The following MALL variants were observed in gnomAD, a reference collection of about 807,000 sequenced individuals.
MALL encodes MAL-like protein.
Under a neutral mutation model 10.3 loss-of-function variants are expected in MALL, and 2 were observed. That is an observed-to-expected ratio of 0.19 (90% confidence interval 0.08 to 0.61). The LOEUF (loss-of-function observed/expected upper bound fraction) is 0.61, where lower values mean the gene tolerates loss of function less well. MALL is among the 20% of genes least tolerant of loss of function. The pLI, the probability that MALL is intolerant of heterozygous loss-of-function variation, is 0.88. For missense variants in MALL, 39 were observed against 115.2 expected (o/e 0.34, Z 3.03); for synonymous variants, 27 against 51.8 (o/e 0.52, Z 2.05).
intron 1 of MALL, among the ~76,000 whole-genome samples, chr2:110,106,267 GGCTTATAAAATTCA>G (rs1211881212): frequency 1.3e-5 from 2 of 151,972 alleles, no homozygotes; most frequent in African/African-American, 4.8e-5. Context: ...TCCACCCTTC[GGCTTATAAAATTCA>G]GCTTATAAAA....
At chr2:110,115,539 C>G (rs1678894179) in intron 1 of MALL, 149 bp downstream of exon 1, 1 of 434,458 alleles carries the variant, frequency 2.3e-6, no homozygotes, top group Non-Finnish European at 3.9e-6. Flanking sequence ...CCGGTCTCCC[C>G]CCCCCTCTCT....
At chr2:110,109,104 A>G (rs1488196099) in intron 1 of MALL, among the ~76,000 whole-genome samples, 1 of 152,198 alleles carries the variant, frequency 6.6e-6, no homozygotes, top group Non-Finnish European at 1.5e-5. Flanking sequence ...AGCATAAATC[A>G]CAAAGGACCT....
chr2:110,103,246 T>C (rs888931307), intron 1 of MALL, among the ~76,000 whole-genome samples: 1 of 151,934 alleles, frequency 6.6e-6, no homozygotes, highest in African/African-American at 2.4e-5. Context: ...CCCTGTCCAA[T>C]GGAGTGGGGC....
Position 110,115,808 on chromosome 2 carries a change from C to T in MALL, c.-16G>A, listed in dbSNP as rs1678906808. 5 of 1,219,830 alleles carry T rather than the reference C, an allele frequency of 4.1e-6. No individual in the cohort carries two copies. The highest frequency in any genetic ancestry group is 3.2e-5 in the East Asian group (1 of 31,668). The allele number at this position is 1,219,830 out of a possible 1,614,324, so 75.6% of individuals were successfully genotyped here. On this transcript the variant is annotated 5_prime_UTR_variant, in exon 1 of 4. Transcript: ENST00000272462. ...GCGAGGCCATGCTGTCAGCCCCTGC[C>T]GGGTGCTCCGCGGCAGCTCGCCCGC...
At chr2:110,101,499 AC>A (rs1678563742) in intron 1 of MALL, among the ~76,000 whole-genome samples, 1 of 152,184 alleles carries the variant, frequency 6.6e-6, no homozygotes, top group African/African-American at 2.4e-5. Flanking sequence ...TCCATCCAGC[AC>A]TGGTGGGAAC....
chr2:110,095,698 G>GA lies in MALL; in HGVS notation c.106-3929dup, dbSNP rs112614892. On this transcript the variant is annotated intron_variant, in intron 1 of 3. Transcript: ENST00000272462. ...CTAATCGCGTCATCATTTAAAAAAA[G>GA]AAAAAAAAAAGAACTAGACTATAAG... Among the ~76,000 whole-genome samples, 165 of 145,558 alleles carry GA rather than the reference G, an allele frequency of 1.1e-3. 1 individual carries two copies. The East Asian group carries it at 0.015, about 14-fold the overall frequency.
chr2:110,111,652 T>C (rs1678803725), intron 1 of MALL, among the ~76,000 whole-genome samples: 1 of 152,034 alleles, frequency 6.6e-6, no homozygotes, highest in Admixed American at 6.5e-5. Flanking sequence ...AAAATAACCA[T>C]ATTGCCAAAA....
chr2:110,103,379 C>A (rs1678618335), intron 1 of MALL, among the ~76,000 whole-genome samples: 1 of 152,024 alleles, frequency 6.6e-6, no homozygotes, highest in Non-Finnish European at 1.5e-5. Flanking sequence ...GGCTGGCTGG[C>A]AGGGATGGAC....
At chr2:110,100,882 G>A (rs1481324193) in intron 1 of MALL, among the ~76,000 whole-genome samples, 3 of 152,186 alleles carry the variant, frequency 2.0e-5, no homozygotes, top group Non-Finnish European at 4.4e-5. Context: ...GTCAGGGAGA[G>A]TGGGAGGAGC....
chr2:110,113,435 CAAAAA>C (rs58360665), intron 1 of MALL, among the ~76,000 whole-genome samples: 19 of 31,820 alleles, frequency 6.0e-4, no homozygotes, highest in African/African-American at 1.6e-3. Flanking sequence ...GACTCTGTCT[CAAAAA>C]AAAAAAAAAA....
chr2:110,114,010 A>T, intron 1 of MALL, among the ~76,000 whole-genome samples: 1 of 152,038 alleles, frequency 6.6e-6, no homozygotes, highest in Non-Finnish European at 1.5e-5. Context: ...CCCAGAGCCC[A>T]ACACCAGCGT....
intron 1 of MALL, among the ~76,000 whole-genome samples, chr2:110,106,790 C>A (rs1327410967): frequency 6.6e-6 from 1 of 152,080 alleles, no homozygotes; most frequent in Non-Finnish European, 1.5e-5. Flanking sequence ...TTATTTGGAA[C>A]GGCCAAGAAC....
intron 1 of MALL, among the ~76,000 whole-genome samples, chr2:110,105,473 T>C (rs1678667472): frequency 6.6e-6 from 1 of 152,276 alleles, no homozygotes; most frequent in African/African-American, 2.4e-5. Flanking sequence ...GTGGCTCCCA[T>C]GTCCTGCAGG....
intron 1 of MALL, among the ~76,000 whole-genome samples, chr2:110,107,203 G>C (rs1360135640): frequency 6.6e-6 from 1 of 152,126 alleles, no homozygotes; most frequent in Non-Finnish European, 1.5e-5. Context: ...GAGCCCCCAA[G>C]TACCAAGGGC....
chr2:110,106,765 G>C (rs1678705500), intron 1 of MALL, among the ~76,000 whole-genome samples: 1 of 152,126 alleles, frequency 6.6e-6, no homozygotes, highest in African/African-American at 2.4e-5. Flanking sequence ...CTGCACACAA[G>C]TTTTCACAGC....
Position 110,110,773 on chromosome 2 carries a change from A to G in MALL, c.105+4915T>C, listed in dbSNP as rs1194276789. Among the ~76,000 whole-genome samples, 8 of 152,222 alleles carry G rather than the reference A, an allele frequency of 5.3e-5. No individual in the cohort carries two copies. In the East Asian group the frequency reaches 1.5e-3, roughly 29 times the overall value. Reference sequence around the variant, plus strand: ...AGGAAAGGACGTAACCAAAAAAGAAAACTACAGACTGATGTCTTTGATGAA... The same window carrying G: ...AGGAAAGGACGTAACCAAAAAAGAAGACTACAGACTGATGTCTTTGATGAA... On this transcript the variant is annotated intron_variant, in intron 1 of 3. Transcript: ENST00000272462.
upstream of MALL, among the ~76,000 whole-genome samples, chr2:110,116,965 C>A (rs896519633): frequency 1.3e-5 from 2 of 152,142 alleles, 1 homozygote; most frequent in Non-Finnish European, 2.9e-5. Flanking sequence ...CCCTCAGGGC[C>A]ACAGGTGGGG....
intron 1 of MALL, among the ~76,000 whole-genome samples, chr2:110,098,258 A>G (rs1678486893): frequency 6.6e-6 from 1 of 151,944 alleles, no homozygotes; most frequent in Middle Eastern, 3.4e-3. Flanking sequence ...ACCATTTTTA[A>G]GTGTACAGTT....
chr2:110,097,146 C>T (rs1250246725), intron 1 of MALL, among the ~76,000 whole-genome samples: 1 of 150,314 alleles, frequency 6.7e-6, no homozygotes, highest in African/African-American at 2.4e-5. Flanking sequence ...GGAACAAACT[C>T]CAAGAATTTG....
Sources: allele counts gnomAD v4.1 joint callset (sites outside exome capture counted in the v4.1 genomes callset), GRCh38; gene constraint gnomAD v4.1.1; transcripts MANE v1.5; gene names NCBI Gene and HGNC (gene_info 2026-07-23, HGNC 2026-07-21).